ASPM: variants seen among roughly 807,000 people sequenced by gnomAD.
ASPM encodes assembly factor for spindle microtubules.
ASPM carries 256 observed loss-of-function variants against 366.4 expected under a neutral mutation model. The ratio of observed to expected loss-of-function variants is 0.70; its 90% CI spans 0.63 to 0.77. The LOEUF (loss-of-function observed/expected upper bound fraction) is 0.77. Ranked by LOEUF, ASPM falls within the 30% of genes least tolerant of loss-of-function variation. The pLI, the probability that ASPM is intolerant of heterozygous loss-of-function variation, is 0.00. For missense variants in ASPM, 4,146 were observed against 4,090.4 expected (o/e 1.01, Z -0.37); for synonymous variants, 1,414 against 1,342.9 (o/e 1.05, Z -1.16).
At chr1:197,100,278 C>T (rs1026390957) in intron 18 of ASPM, among the ~76,000 whole-genome samples, 153 bp downstream of exon 18, 2 of 151,654 alleles carry the variant, frequency 1.3e-5, no homozygotes, top group Non-Finnish European at 3.0e-5. Context: ...GTGCCCTTTC[C>T]CTCTTTCAAA....
rs758251662 is a variant in ASPM at position 197,142,983 on chromosome 1, T to C, written c.1269A>G (p.Pro423=). The C allele has an allele frequency of 1.2e-6, 2 of 1,613,928 alleles. No individual in the cohort carries two copies. Among genetic ancestry groups the C allele is most frequent in the Non-Finnish European group, 1.7e-6 (2 of 1,179,850 alleles). ...TTTTTCTCCAATCTTCAGGAGACTG[T>C]GGGACTTGAGAATTTTCATTTGATA... is the stretch of plus-strand genomic sequence containing the variant. ...VPLSNENSQV[P]QSPEDWRKSE... Residue 423 remains proline, a synonymous_variant, in exon 3 of 28, where the codon CCA becomes CCG. Coordinates refer to ENST00000367409, the MANE Select transcript of ASPM (RefSeq NM_018136.5).
At chr1:197,094,017 C>T (rs1656881357) in intron 20 of ASPM, 67 bp downstream of exon 20, 1 of 1,080,526 alleles carries the variant, frequency 9.3e-7, no homozygotes, top group Non-Finnish European at 1.3e-6. Flanking sequence ...TTAAAAAATA[C>T]AAAACATTCT....
chr1:197,097,195 C>T (rs1441154287), intron 18 of ASPM, among the ~76,000 whole-genome samples: 10 of 151,714 alleles, frequency 6.6e-5, no homozygotes, highest in African/African-American at 1.9e-4. Context: ...TCTAGCTGTG[C>T]AGCTGCAAGG....
chr1:197,132,372 CAAATAAGTTCAA>C lies in ASPM; in HGVS notation c.2420-32_2420-21del, dbSNP rs749239144. On this transcript the variant is annotated intron_variant, in intron 6 of 27. Coordinates refer to ENST00000367409, the MANE Select transcript of ASPM (RefSeq NM_018136.5). ...GTTCTCCTGAAATGCATGTCAAAGG[CAAATAAGTTCAA>C]ATTGATAATCAAATAGAGACAAGAA... 1.8e-5 allele frequency: 29 copies of C among 1,600,164 alleles called. No individual in the cohort carries two copies. The East Asian group carries it at 6.5e-4, about 36-fold the overall frequency.
Position 197,096,158 on chromosome 1 carries a change from A to G in ASPM, c.8827T>C (p.Trp2943Arg), listed in dbSNP as rs770233428. 1.9e-6 allele frequency: 3 copies of G among 1,601,390 alleles called. No homozygotes were observed. Among genetic ancestry groups the G allele is most frequent in the Non-Finnish European group, 2.6e-6 (3 of 1,170,526 alleles). ...TATTTCTTGGCTCTATATCTCCTCCACATAGCCTATTAAATACATAAATAT... is the reference window on the plus strand; with the variant it reads ...TATTTCTTGGCTCTATATCTCCTCCGCATAGCCTATTAAATACATAAATAT... ...KNSTIKIQAMWRRYRAKKYLC... is the reference protein window; with the variant it reads ...KNSTIKIQAMRRRYRAKKYLC... The change falls in exon 19 of 28, where the codon TGG becomes CGG. Residue 2943 changes from tryptophan to arginine, a missense_variant. Around this residue, in one of 3 missense-constraint regions of ASPM, gnomAD observed 3,624 missense variants for 3,591.7 expected, o/e 1.01. Coordinates refer to ENST00000367409, the MANE Select transcript of ASPM (RefSeq NM_018136.5).
chr1:197,091,004 A>G lies in ASPM; in HGVS notation c.9482T>C (p.Ile3161Thr). 1 of 1,612,548 alleles carries G rather than the reference A, an allele frequency of 6.2e-7. No homozygotes were observed. The highest frequency in any genetic ancestry group is 8.5e-7 in the Non-Finnish European group (1 of 1,179,078). ...CTTTTTGATGCTATGATATTTCTGA[A>G]TAAATCTCTTTTCTTGTAATCTTGC... ...FRARLQEKRF[I>T]QKYHSIKKIE... Residue 3161 changes from isoleucine (I) to threonine (T), a missense_variant, in exon 23 of 28, where the codon ATT (isoleucine) becomes ACT (threonine). Ile to Thr is a moderately conservative substitution (Grantham distance 89). Around this residue, in one of 3 missense-constraint regions of ASPM, gnomAD observed 3,624 missense variants for 3,591.7 expected, o/e 1.01. Transcript: ENST00000367409.
In ASPM at chr1:197,121,559, T is replaced by C. The variant is rs562018352; in HGVS notation, c.3870+356A>G. Among the ~76,000 whole-genome samples, 13 of 152,252 alleles carry C rather than the reference T, an allele frequency of 8.5e-5. 1 individual carries two copies. In the South Asian group the frequency reaches 2.5e-3, roughly 29 times the overall value. Reference sequence around the variant, plus strand: ...CATACAGCACAGAATAAAAAATTAATGGAAAGCTCCTGCTCTCCAGAGGCA... The same window carrying C: ...CATACAGCACAGAATAAAAAATTAACGGAAAGCTCCTGCTCTCCAGAGGCA... On this transcript the variant is annotated intron_variant, in intron 16 of 27. Coordinates refer to ENST00000367409, the MANE Select transcript of ASPM (RefSeq NM_018136.5).
chr1:197,084,274 T>C lies in ASPM; in HGVS notation c.*50A>G, dbSNP rs554369669. 9.5e-6 allele frequency: 13 copies of C among 1,374,722 alleles called. No individual in the cohort carries two copies. The South Asian group carries it at 1.3e-4, about 14-fold the overall frequency. 85.2% of individuals were successfully genotyped at this position (1,374,722 alleles called of 1,614,324 possible). ...CAAAAATCACTTTACGTACTCATGATTGGCTTTAATATTTCTTTACACTAT... is the reference window on the plus strand; with the variant it reads ...CAAAAATCACTTTACGTACTCATGACTGGCTTTAATATTTCTTTACACTAT... On this transcript the variant is annotated 3_prime_UTR_variant, in exon 28 of 28. Transcript: ENST00000367409.
intron 14 of ASPM, 36 bp from the exon 15 acceptor site, chr1:197,122,337 C>T: frequency 6.2e-7 from 1 of 1,613,540 alleles, no homozygotes; most frequent in East Asian, 2.2e-5. Flanking sequence ...TTAGCCGTAG[C>T]TTCAAATCAG....
At chr1:197,126,613 C>G (rs911274587) in intron 10 of ASPM, among the ~76,000 whole-genome samples, 3 of 152,012 alleles carry the variant, frequency 2.0e-5, no homozygotes, top group Non-Finnish European at 4.4e-5. Context: ...AACAAATTAA[C>G]CAACTAAAAA....
Position 197,092,054 on chromosome 1 carries a change from A to G in ASPM, c.9297T>C (p.Phe3099=), listed in dbSNP as rs1310510899. The part of the protein sequence containing the change: ...LVRGWLVRKR[F]LEQRAKIRLL... ...GTCGAATTTTGGCTCTCTGTTCTAA[A>G]AACTAAAGGTGAAAAAACAAAGCAT... The change falls in exon 22 of 28, where the codon TTT becomes TTC. Residue 3099 remains phenylalanine (F), a splice_region_variant and synonymous_variant. Coordinates refer to ENST00000367409, the MANE Select transcript of ASPM (RefSeq NM_018136.5). 17 of 1,611,454 alleles carry G rather than the reference A, an allele frequency of 1.1e-5. No homozygotes were observed. Among genetic ancestry groups the G allele is most frequent in the Non-Finnish European group, 1.4e-5 (17 of 1,178,368 alleles).
intron 6 of ASPM, 123 bp downstream of exon 6, chr1:197,133,227 T>C: frequency 1.0e-6 from 1 of 982,272 alleles, no homozygotes; most frequent in South Asian, 1.7e-5. Context: ...CATCATGTTG[T>C]ATACCTTAAA....
At chr1:197,089,521 C>T (rs1197256737) in intron 25 of ASPM, among the ~76,000 whole-genome samples, 1 of 151,968 alleles carries the variant, frequency 6.6e-6, no homozygotes, top group Non-Finnish European at 1.5e-5. Context: ...AACTCTACCA[C>T]TTATCACACT....
intron 7 of ASPM, among the ~76,000 whole-genome samples, chr1:197,130,301 C>T (rs1167512553): frequency 4.6e-5 from 7 of 152,118 alleles, no homozygotes; most frequent in Non-Finnish European, 8.8e-5. Flanking sequence ...AATCATCTGA[C>T]GAGCAACATT....
rs748529285 is a variant in ASPM at position 197,088,357 on chromosome 1, G to A, written c.10060C>T (p.Arg3354Ter). Residue 3354 changes from arginine (R) to a stop codon, truncating the protein, a stop_gained, in exon 26 of 28, where the codon CGA (arginine) becomes TGA (stop). Coordinates refer to ENST00000367409, the MANE Select transcript of ASPM (RefSeq NM_018136.5). LOFTEE classifies it high-confidence loss of function. ...GCAACTTTATTACCAGGCTTTTCTCGGTATATCTGCAAAAGCTCCAATAGT... is the reference window on the plus strand; with the variant it reads ...GCAACTTTATTACCAGGCTTTTCTCAGTATATCTGCAAAAGCTCCAATAGT... ...DILLELLQIY[R>*]EKPGNKVADK... 6.2e-6 allele frequency: 10 copies of A among 1,612,000 alleles called. No homozygotes were observed. The highest frequency in any genetic ancestry group is 3.3e-5 in the Admixed American group (2 of 59,918).
intron 26 of ASPM, among the ~76,000 whole-genome samples, chr1:197,087,608 A>G (rs1019777970): frequency 1.3e-5 from 2 of 152,184 alleles, no homozygotes; most frequent in African/African-American, 4.8e-5. Flanking sequence ...TTACCTCTGC[A>G]GTTTCCAAAG....
chr1:197,138,410 C>T (rs1233532826), intron 4 of ASPM, among the ~76,000 whole-genome samples: 1 of 152,108 alleles, frequency 6.6e-6, no homozygotes, highest in Non-Finnish European at 1.5e-5. Flanking sequence ...CCAAGTGACT[C>T]TCCCAGCCTC....
intron 17 of ASPM, among the ~76,000 whole-genome samples, chr1:197,106,049 T>C (rs766882092): frequency 2.0e-5 from 3 of 151,996 alleles, no homozygotes; most frequent in Non-Finnish European, 4.4e-5. Context: ...TTTTCTCGCA[T>C]ATAAGTAGAG....
chr1:197,136,458 A>T (rs1658422863), intron 4 of ASPM, among the ~76,000 whole-genome samples: 1 of 152,198 alleles, frequency 6.6e-6, no homozygotes, highest in African/African-American at 2.4e-5. Flanking sequence ...TAGGTGGTGT[A>T]CAATGAATAA....
Sources: gnomAD v4.1 joint callset for allele counts (sites outside exome capture counted in the v4.1 genomes callset) on GRCh38, gnomAD v4.1.1 for gene constraint, gnomAD v4.1.1 regional missense constraint, MANE v1.5 for transcripts, NCBI Gene and HGNC (gene_info 2026-07-23, HGNC 2026-07-21) for gene names.